CCDC3: variants seen among roughly 807,000 people sequenced by gnomAD.
CCDC3 encodes the protein coiled-coil domain-containing protein 3.
CCDC3 carries 24 observed loss-of-function variants against 21.4 expected under a neutral mutation model. That is an observed-to-expected ratio of 1.12 (90% CI 0.81 to 1.58). The LOEUF is 1.58. Among genes scored for constraint, CCDC3 ranks in the 40% most tolerant of loss-of-function variants. The probability of loss-of-function intolerance (pLI) is 0.00; values close to 1 mark genes in which losing one functional copy is unlikely to be tolerated. For missense variants in CCDC3, 425 were observed against 360.9 expected (o/e 1.18, Z -1.44); for synonymous variants, 186 against 166.0 (o/e 1.12, Z -0.93).
chr10:12,930,784 C>T (rs1834626583), intron 2 of CCDC3, among the ~76,000 whole-genome samples: 1 of 152,170 alleles, frequency 6.6e-6, no homozygotes, highest in Admixed American at 6.5e-5. Context: ...CAAAGAATCA[C>T]CCACTCCCAA....
upstream of CCDC3, among the ~76,000 whole-genome samples, chr10:13,002,881 C>T (rs926911382): frequency 6.6e-6 from 1 of 152,210 alleles, no homozygotes; most frequent in Non-Finnish European, 1.5e-5. Context: ...TCACTGTGTC[C>T]TCACGTGGCC....
intron 4 of CCDC3, among the ~76,000 whole-genome samples, chr10:13,050,194 A>G (rs1009744619): frequency 3.3e-5 from 5 of 151,990 alleles, no homozygotes; most frequent in Non-Finnish European, 7.4e-5. Context: ...TGGGTGTGGA[A>G]TTGGGGGCAG....
chr10:12,933,469 T>TC (rs1834683664), intron 2 of CCDC3, among the ~76,000 whole-genome samples: 1 of 151,638 alleles, frequency 6.6e-6, no homozygotes, highest in South Asian at 2.1e-4. Flanking sequence ...TTTTTTTTTT[T>TC]TTTGAGACAG....
At chr10:13,086,200 C>T (rs1028763924) in intron 3 of CCDC3, among the ~76,000 whole-genome samples, 2 of 151,944 alleles carry the variant, frequency 1.3e-5, no homozygotes, top group African/African-American at 4.8e-5. Context: ...GAGCCAGGCC[C>T]TTTGGGGATT....
intron 2 of CCDC3, among the ~76,000 whole-genome samples, chr10:12,916,325 A>T (rs963846971): frequency 6.6e-6 from 1 of 151,302 alleles, no homozygotes; most frequent in African/African-American, 2.4e-5. Flanking sequence ...CCAGCTACTC[A>T]GGAGGCTGAG....
chr10:13,038,046 C>A (rs1035000559), intron 5 of CCDC3, among the ~76,000 whole-genome samples: 1 of 152,088 alleles, frequency 6.6e-6, no homozygotes, highest in African/African-American at 2.4e-5. Context: ...TGAAAAGGAG[C>A]GAGATCATTG....
At chr10:12,963,284 T>G (rs1835207312) in intron 2 of CCDC3, among the ~76,000 whole-genome samples, 1 of 152,186 alleles carries the variant, frequency 6.6e-6, no homozygotes, top group South Asian at 2.1e-4. Context: ...TCTCTTAACC[T>G]TGTTGACCTT....
intron 2 of CCDC3, among the ~76,000 whole-genome samples, chr10:12,957,818 G>GA (rs1352920475): frequency 6.6e-6 from 1 of 152,142 alleles, no homozygotes; most frequent in Non-Finnish European, 1.5e-5. Flanking sequence ...GTTGAACCGT[G>GA]AGCCAGTTAA....
At chr10:13,085,529 T>TGGTG (rs1037225425) in intron 3 of CCDC3, among the ~76,000 whole-genome samples, 7 of 152,216 alleles carry the variant, frequency 4.6e-5, no homozygotes, top group African/African-American at 1.7e-4. Flanking sequence ...ACCTCCGTTG[T>TGGTG]GGGGCTTTGT....
intron 5 of CCDC3, among the ~76,000 whole-genome samples, chr10:13,026,211 T>TA (rs1836213646): frequency 1.3e-5 from 2 of 152,020 alleles, no homozygotes; most frequent in Non-Finnish European, 1.5e-5. Context: ...ATTTAAAAAA[T>TA]AAAAAACTTC....
chr10:12,906,895 A>G (rs1478884940), intron 2 of CCDC3, among the ~76,000 whole-genome samples: 1 of 152,048 alleles, frequency 6.6e-6, no homozygotes, highest in Admixed American at 6.6e-5. Flanking sequence ...GGTCCTCTTG[A>G]GTGTCTGTGA....
chr10:13,098,709 G>GGTTTTTT (rs1564348313), intron 2 of CCDC3: 1 of 59,476 alleles, frequency 1.7e-5, no homozygotes, highest in Admixed American at 2.6e-4. Flanking sequence ...TTCCTGCACT[G>GGTTTTTT]ATTTTTTTTT....
chr10:13,044,136 G>T (rs971449952), intron 5 of CCDC3, among the ~76,000 whole-genome samples: 8 of 152,064 alleles, frequency 5.3e-5, no homozygotes, highest in Admixed American at 6.6e-5. Context: ...TCATATGTTT[G>T]TTGGCCATTT....
At chr10:13,052,981 CACACAT>C (rs1320140623) in intron 4 of CCDC3, among the ~76,000 whole-genome samples, 57 of 75,550 alleles carry the variant, frequency 7.5e-4, no homozygotes, top group South Asian at 1.7e-3. Context: ...CACACACACA[CACACAT>C]ACACACACAC....
chr10:13,064,328 T>C (rs987380662), intron 4 of CCDC3, among the ~76,000 whole-genome samples: 11 of 152,248 alleles, frequency 7.2e-5, no homozygotes, highest in Middle Eastern at 3.4e-3. Flanking sequence ...AGACATGAAA[T>C]GTAACAGTAG....
chr10:13,019,030 G>C (rs892677847), intron 5 of CCDC3, among the ~76,000 whole-genome samples: 2 of 151,898 alleles, frequency 1.3e-5, no homozygotes, highest in Admixed American at 1.3e-4. Flanking sequence ...TCAGGAGATC[G>C]AGACCATCCT....
At chr10:13,097,271 A>G (rs184343224) in intron 3 of CCDC3, among the ~76,000 whole-genome samples, 1 of 152,350 alleles carries the variant, frequency 6.6e-6, no homozygotes, top group East Asian at 1.9e-4. Flanking sequence ...TGGAGTCACC[A>G]AACGGGATGA....
At chr10:13,018,198 A>G (rs578126) in intron 5 of CCDC3, among the ~76,000 whole-genome samples, 100,287 of 151,854 alleles carry the variant, frequency 0.66, 33,682 homozygotes, top group East Asian at 0.76. Context: ...TTGTCAACAA[A>G]TGCCTCTTTC....
intron 2 of CCDC3, among the ~76,000 whole-genome samples, chr10:12,929,606 A>AC (rs1291976161): frequency 1.3e-5 from 2 of 151,064 alleles, no homozygotes; most frequent in African/African-American, 4.9e-5. Flanking sequence ...TATCTTTCTC[A>AC]CTCTCTACCA....
Sources: allele counts gnomAD v4.1 joint callset (sites outside exome capture counted in the v4.1 genomes callset), GRCh38; gene constraint gnomAD v4.1.1; transcripts MANE v1.5; gene names NCBI Gene and HGNC (gene_info 2026-07-23, HGNC 2026-07-21).